The following LARGE1 variants were observed in gnomAD, a reference collection of about 807,000 sequenced individuals.
The protein encoded by LARGE1 is xylosyl- and glucuronyltransferase LARGE1.
Under a neutral mutation model 87.6 loss-of-function variants are expected in LARGE1, and 43 were observed. That is an observed-to-expected ratio of 0.49 (90% CI 0.38 to 0.63). The LOEUF (loss-of-function observed/expected upper bound fraction) is 0.63, where lower values mean the gene tolerates loss of function less well. Ranked by LOEUF, LARGE1 falls within the 30% of genes least tolerant of loss-of-function variation. The probability of loss-of-function intolerance (pLI) is 0.00; values close to 1 mark genes in which losing one functional copy is unlikely to be tolerated. For missense variants in LARGE1, 802 were observed against 1,000.2 expected (o/e 0.80, Z 2.67); for synonymous variants, 434 against 394.6 (o/e 1.10, Z -1.18).
intron 11 of LARGE1, among the ~76,000 whole-genome samples, chr22:33,226,681 C>T (rs13056963): frequency 0.35 from 53,718 of 151,848 alleles, 9,849 homozygotes; most frequent in Non-Finnish European, 0.41. Context: ...TAGAGATGCA[C>T]CCACCTATGA....
chr22:33,696,015 AC>A (rs2082233718), intron 2 of LARGE1, among the ~76,000 whole-genome samples: 1 of 152,208 alleles, frequency 6.6e-6, no homozygotes, highest in Non-Finnish European at 1.5e-5. Flanking sequence ...TTCTCTCATA[AC>A]ATCAAGTTTC....
At chr22:33,408,876 G>A (rs984092309) in intron 7 of LARGE1, among the ~76,000 whole-genome samples, 3 of 152,044 alleles carry the variant, frequency 2.0e-5, no homozygotes, top group South Asian at 2.1e-4. Flanking sequence ...CAGTATATTC[G>A]CCCGGCCACT....
intron 3 of LARGE1, among the ~76,000 whole-genome samples, chr22:33,627,828 G>C (rs1023690394): frequency 1.3e-5 from 2 of 152,124 alleles, no homozygotes; most frequent in African/African-American, 4.8e-5. Context: ...GCTTCATATA[G>C]AATCTAATTT....
At chr22:33,859,744 T>C (rs555770373) in intron 1 of LARGE1, among the ~76,000 whole-genome samples, 3 of 152,276 alleles carry the variant, frequency 2.0e-5, no homozygotes, top group African/African-American at 7.2e-5. Context: ...CAAGGACATG[T>C]TCAGCAACAG....
chr22:33,867,554 G>A (rs149311798), intron 1 of LARGE1, among the ~76,000 whole-genome samples: 3 of 152,280 alleles, frequency 2.0e-5, no homozygotes, highest in African/African-American at 4.8e-5. Flanking sequence ...GCTTTCCCAG[G>A]AGGCAGCAAG....
intron 3 of LARGE1, among the ~76,000 whole-genome samples, chr22:33,626,949 G>C (rs1325152618): frequency 1.3e-5 from 2 of 152,160 alleles, no homozygotes; most frequent in Admixed American, 6.5e-5. Context: ...AGTGCTGCAG[G>C]GTCCACTGAC....
chr22:33,865,383 T>C, intron 1 of LARGE1, among the ~76,000 whole-genome samples: 1 of 152,210 alleles, frequency 6.6e-6, no homozygotes. Context: ...TGGTAGGGAA[T>C]ATTGGCGTCT....
At chr22:33,651,663 G>C (rs1238805891) in intron 2 of LARGE1, among the ~76,000 whole-genome samples, 1 of 152,200 alleles carries the variant, frequency 6.6e-6, no homozygotes, top group Non-Finnish European at 1.5e-5. Context: ...TGTAGGCAAA[G>C]GCGGGTCTTA....
chr22:33,338,804 A>G (rs1420086757), intron 9 of LARGE1, among the ~76,000 whole-genome samples: 1 of 152,156 alleles, frequency 6.6e-6, no homozygotes, highest in Non-Finnish European at 1.5e-5. Flanking sequence ...CAGTTGGGGA[A>G]AAGTGTCCAC....
chr22:33,153,396 T>C, the LARGE1 span, among the ~76,000 whole-genome samples: 2 of 152,224 alleles, frequency 1.3e-5, no homozygotes, highest in African/African-American at 4.8e-5. Flanking sequence ...GTTCATCTTT[T>C]TACTGTATGT....
chr22:33,537,567 T>C (rs1427462191), intron 6 of LARGE1, among the ~76,000 whole-genome samples: 1 of 152,128 alleles, frequency 6.6e-6, no homozygotes, highest in African/African-American at 2.4e-5. Context: ...ACAGGGTTTA[T>C]TTGTTTATTT....
intron 6 of LARGE1, among the ~76,000 whole-genome samples, chr22:33,458,117 T>C (rs958522112): frequency 4.0e-5 from 6 of 151,690 alleles, no homozygotes; most frequent in Admixed American, 2.0e-4. Context: ...TTTCTTTTTT[T>C]TTTTTTTGAG....
intron 7 of LARGE1, among the ~76,000 whole-genome samples, chr22:33,396,448 A>G (rs1197189160): frequency 6.9e-6 from 1 of 144,790 alleles, no homozygotes; most frequent in Admixed American, 7.1e-5. Context: ...ACAGAGTGAG[A>G]GACAGAGAGA....
chr22:33,461,878 C>T (rs943279643), intron 6 of LARGE1, among the ~76,000 whole-genome samples: 13 of 152,040 alleles, frequency 8.6e-5, no homozygotes, highest in Non-Finnish European at 1.8e-4. Context: ...CAGGAACCAA[C>T]TTGACAGCTA....
At position 33,835,801 on chromosome 22, in the gene LARGE1, C is replaced by CTGGA. The variant is rs1002844775; in HGVS notation, c.-82-74247_-82-74244dup. Among the ~76,000 whole-genome samples the CTGGA allele has an allele frequency of 9.2e-5, 14 of 152,206 alleles. No homozygotes were observed. The South Asian group carries it at 1.2e-3, about 14-fold the overall frequency. On this transcript the variant is annotated intron_variant, in intron 1 of 14. Transcript: ENST00000397394. ...AAAATCGAGCATGTGAGGTCTGGGT[C>CTGGA]TGGAACCTAACACACATTAGGCGTT... is the stretch of plus-strand genomic sequence containing the variant.
intron 5 of LARGE1, among the ~76,000 whole-genome samples, 171 bp downstream of exon 5, chr22:33,604,264 C>G (rs533262187): frequency 3.9e-5 from 6 of 152,326 alleles, no homozygotes; most frequent in African/African-American, 1.4e-4. Flanking sequence ...AAAGGGGTTA[C>G]TTTAATACTT....
chr22:33,539,803 T>C (rs1023609570), intron 6 of LARGE1, among the ~76,000 whole-genome samples: 1 of 152,014 alleles, frequency 6.6e-6, no homozygotes, highest in Non-Finnish European at 1.5e-5. Flanking sequence ...TGGTCTCAAA[T>C]TCCTAGGCTC....
chr22:33,528,839 T>C (rs5998997), intron 6 of LARGE1, among the ~76,000 whole-genome samples: 2,035 of 152,288 alleles, frequency 0.013, 49 homozygotes, highest in African/African-American at 0.047. Context: ...ATGGTCTGAT[T>C]TGTTAGGGAG....
chr22:33,423,014 T>G (rs2066749236), intron 7 of LARGE1, among the ~76,000 whole-genome samples: 1 of 151,978 alleles, frequency 6.6e-6, no homozygotes, highest in Middle Eastern at 3.4e-3. Context: ...AACCATTTTT[T>G]TTTTTTTGCA....
Sources: gnomAD v4.1 joint callset for allele counts (sites outside exome capture counted in the v4.1 genomes callset) on GRCh38, gnomAD v4.1.1 for gene constraint, MANE v1.5 for transcripts, NCBI Gene and HGNC (gene_info 2026-07-23, HGNC 2026-07-21) for gene names.